The following NOVA1 variants were observed in gnomAD, a reference collection of about 807,000 sequenced individuals.
NOVA1 encodes the protein NOVA alternative splicing regulator 1, also known as RNA-binding protein Nova-1.
NOVA1 carries 7 observed loss-of-function variants against 38.0 expected under a neutral mutation model. The observed-to-expected ratio is 0.18, with a 90% CI of 0.10 to 0.35. NOVA1 has a LOEUF of 0.35. Ranked by LOEUF, NOVA1 falls within the 10% of genes least tolerant of loss-of-function variation. The pLI is 1.00. For synonymous variants in NOVA1, 270 were observed against 232.5 expected (o/e 1.16, Z -1.47); for missense variants, 460 against 616.0 (o/e 0.75, Z 2.68).
At chr14:26,531,810 T>C (rs72670866) in intron 2 of NOVA1, among the ~76,000 whole-genome samples, 12,216 of 152,014 alleles carry the variant, frequency 0.08, 720 homozygotes, top group Non-Finnish European at 0.12. Context: ...GAGAAAATAT[T>C]CACAACACAT....
intron 2 of NOVA1, among the ~76,000 whole-genome samples, chr14:26,553,991 CA>C (rs60112245): frequency 0.95 from 144,448 of 151,512 alleles, 69,224 homozygotes; most frequent in East Asian, 1. Flanking sequence ...ACTACAAATA[CA>C]AAAAAAACTG....
chr14:26,560,073 T>C (rs1232184222), intron 2 of NOVA1, among the ~76,000 whole-genome samples: 2 of 152,044 alleles, frequency 1.3e-5, no homozygotes, highest in Non-Finnish European at 2.9e-5. Context: ...TCAATTAAAA[T>C]ATAATGTTTA....
chr14:26,506,298 G>A lies in NOVA1; in HGVS notation c.281-26155C>T, dbSNP rs78855516. On this transcript the variant is annotated intron_variant, in intron 2 of 4. Transcript: ENST00000539517. Reference sequence around the variant, plus strand: ...ATTAGGCTAGGTAATCTTCCAGGGCGTAAAATTACTCCAGCATACCTTAGT... The same window carrying A: ...ATTAGGCTAGGTAATCTTCCAGGGCATAAAATTACTCCAGCATACCTTAGT... Among the ~76,000 whole-genome samples, 1,093 of 152,266 alleles carry A rather than the reference G, an allele frequency of 7.2e-3. 7 individuals are homozygous for A. The highest frequency in any genetic ancestry group is 0.024 in the Middle Eastern group (7 of 294).
chr14:26,510,345 A>T (rs1358137172), intron 2 of NOVA1, among the ~76,000 whole-genome samples: 1 of 152,164 alleles, frequency 6.6e-6, no homozygotes, highest in African/African-American at 2.4e-5. Context: ...AAACAATAGA[A>T]GATAAAACTA....
intron 4 of NOVA1, among the ~76,000 whole-genome samples, chr14:26,467,091 A>C (rs1884202266): frequency 6.6e-6 from 1 of 152,232 alleles, no homozygotes; most frequent in Non-Finnish European, 1.5e-5. Flanking sequence ...GTAATGGAGA[A>C]AGAAGACTCA....
chr14:26,549,012 C>G (rs1029769618), intron 2 of NOVA1, among the ~76,000 whole-genome samples: 1 of 151,974 alleles, frequency 6.6e-6, no homozygotes, highest in East Asian at 1.9e-4. Context: ...TGCCAGCTTC[C>G]AGCTACTTTG....
intron 2 of NOVA1, among the ~76,000 whole-genome samples, chr14:26,508,945 T>C (rs904440213): frequency 6.6e-6 from 1 of 151,838 alleles, no homozygotes; most frequent in Non-Finnish European, 1.5e-5. Flanking sequence ...AAAATGAACT[T>C]GTAGTAAATA....
chr14:26,460,469 G>A (rs1178364143), intron 4 of NOVA1, among the ~76,000 whole-genome samples: 1 of 151,538 alleles, frequency 6.6e-6, no homozygotes, highest in African/African-American at 2.4e-5. Context: ...CTGTTACTTG[G>A]CTAAAAGCAA....
intron 2 of NOVA1, among the ~76,000 whole-genome samples, chr14:26,521,189 A>G (rs1313486075): frequency 6.6e-6 from 1 of 152,018 alleles, no homozygotes. Flanking sequence ...GAAAAGGTGT[A>G]AAGAAAAAGT....
At chr14:26,485,956 T>G (rs1033273007) in intron 2 of NOVA1, among the ~76,000 whole-genome samples, 3 of 152,122 alleles carry the variant, frequency 2.0e-5, no homozygotes, top group Non-Finnish European at 2.9e-5. Context: ...CAAAATAACT[T>G]AAGAAAATGT....
chr14:26,448,714 T>G lies in NOVA1; in HGVS notation c.769A>C (p.Asn257His). The stretch of plus-strand genomic sequence containing the variant: ...GAATTTGCCACTGGACCTGTCACAT[T>G]GGCATAACTGATATTGAGACAGCTG... ...SGSCLNISYANVTGPVANSNP... is the reference protein window; with the variant it reads ...SGSCLNISYAHVTGPVANSNP... The change falls in exon 5 of 5, where the codon AAT becomes CAT. Residue 257 changes from asparagine to histidine, a missense_variant. Coordinates refer to ENST00000539517, the MANE Select transcript of NOVA1 (RefSeq NM_002515.3). The surrounding 1 kb of genome is among the most constrained non-coding windows in gnomAD (Gnocchi z 5.3). 1 of 1,614,224 alleles carries G rather than the reference T, an allele frequency of 6.2e-7. No individual in the cohort carries two copies. The highest frequency in any genetic ancestry group is 1.1e-5 in the South Asian group (1 of 91,086).
intron 2 of NOVA1, among the ~76,000 whole-genome samples, chr14:26,518,927 A>G (rs1168812718): frequency 6.6e-6 from 1 of 152,036 alleles, no homozygotes; most frequent in East Asian, 1.9e-4. Context: ...ACTAAATTAT[A>G]TACTTTTTCA....
intron 2 of NOVA1, among the ~76,000 whole-genome samples, chr14:26,503,323 A>G (rs1165047630): frequency 6.6e-6 from 1 of 152,048 alleles, no homozygotes; most frequent in African/African-American, 2.4e-5. Flanking sequence ...ATACCCTGGC[A>G]CAATCACACC....
intron 2 of NOVA1, among the ~76,000 whole-genome samples, chr14:26,533,626 T>C (rs1327288522): frequency 6.6e-6 from 1 of 152,222 alleles, no homozygotes; most frequent in Non-Finnish European, 1.5e-5. Flanking sequence ...ACATGCTGCC[T>C]GTATTCATGA....
intron 2 of NOVA1, among the ~76,000 whole-genome samples, chr14:26,536,200 C>T (rs973637021): frequency 2.0e-5 from 3 of 149,240 alleles, no homozygotes; most frequent in African/African-American, 7.4e-5. Context: ...GGATGGTTAC[C>T]AGAGGCTCGG....
chr14:26,574,904 C>T (rs1235865856), intron 2 of NOVA1, among the ~76,000 whole-genome samples: 1 of 152,106 alleles, frequency 6.6e-6, no homozygotes, highest in African/African-American at 2.4e-5. Context: ...TCCCACAATC[C>T]TCCTGCCTCT....
At chr14:26,494,498 G>A (rs554413177) in intron 2 of NOVA1, among the ~76,000 whole-genome samples, 14 of 152,236 alleles carry the variant, frequency 9.2e-5, no homozygotes, top group Middle Eastern at 3.4e-3. Flanking sequence ...AGTCAATAAG[G>A]CAAAATGACA....
chr14:26,534,051 A>G (rs1566512535), intron 2 of NOVA1, among the ~76,000 whole-genome samples: 1 of 152,238 alleles, frequency 6.6e-6, no homozygotes, highest in Non-Finnish European at 1.5e-5. Flanking sequence ...GAGGAAAAAT[A>G]GAATGTCTTT....
At chr14:26,559,626 T>C (rs1440426839) in intron 2 of NOVA1, among the ~76,000 whole-genome samples, 4 of 152,112 alleles carry the variant, frequency 2.6e-5, no homozygotes, top group Non-Finnish European at 2.9e-5. Flanking sequence ...GTAAGTGAAA[T>C]AAGCCAAGCA....
Sources: allele counts gnomAD v4.1 joint callset (sites outside exome capture counted in the v4.1 genomes callset), GRCh38; gene constraint gnomAD v4.1.1; non-coding constraint Gnocchi (gnomAD v3.1); transcripts MANE v1.5; gene names NCBI Gene and HGNC (gene_info 2026-07-23, HGNC 2026-07-21).